The following ADCY2 variants were observed in gnomAD, a reference collection of about 807,000 sequenced individuals.
The protein encoded by ADCY2 is adenylate cyclase 2.
In ADCY2, 31 loss-of-function variants were observed where a neutral mutation model predicts 125.2. The observed-to-expected ratio is 0.25, with a 90% CI of 0.19 to 0.33. ADCY2 has a LOEUF of 0.33. Ranked by LOEUF, ADCY2 falls within the 10% of genes least tolerant of loss-of-function variation. ADCY2 has a pLI of 1.00. For synonymous variants in ADCY2, 512 were observed against 548.4 expected (o/e 0.93, Z 0.93); for missense variants, 904 against 1,418.2 (o/e 0.64, Z 5.82).
intron 2 of ADCY2, among the ~76,000 whole-genome samples, chr5:7,458,524 AT>A (rs1374819570): frequency 6.6e-6 from 1 of 152,100 alleles, no homozygotes; most frequent in East Asian, 1.9e-4. Flanking sequence ...TAAAACATGT[AT>A]TCTGTGATAT....
intron 5 of ADCY2, chr5:7,691,680 G>C (rs1740709997): frequency 6.6e-6 from 1 of 152,174 alleles, no homozygotes; most frequent in Non-Finnish European, 1.5e-5. Context: ...TCTTTTGGGG[G>C]TTTGTTCTTT....
intron 17 of ADCY2, among the ~76,000 whole-genome samples, chr5:7,769,915 A>G (rs1186229715): frequency 1.3e-5 from 2 of 152,248 alleles, no homozygotes; most frequent in Non-Finnish European, 2.9e-5. Context: ...GTACACTCCA[A>G]TAGAAGTCGG....
intron 18 of ADCY2, among the ~76,000 whole-genome samples, chr5:7,774,559 G>A (rs1248687091): frequency 1.3e-5 from 2 of 152,204 alleles, no homozygotes; most frequent in African/African-American, 4.8e-5. Flanking sequence ...CAAGTTTCTG[G>A]TGTGGAGAGA....
chr5:7,433,422 G>A (rs1740679324), intron 2 of ADCY2, among the ~76,000 whole-genome samples: 1 of 152,022 alleles, frequency 6.6e-6, no homozygotes, highest in African/African-American at 2.4e-5. Context: ...GTTTGTGTGT[G>A]TGTGTGTGCA....
rs780527995 is a variant in ADCY2 at position 7,816,992 on chromosome 5, A to G, written c.2998+12A>G. 6.2e-7 allele frequency: 1 copy of G among 1,604,036 alleles called. No individual in the cohort carries two copies. The highest frequency in any genetic ancestry group is 2.2e-5 in the East Asian group (1 of 44,808). ...CAAATTGCGAGTGGGTACGTTCTGC[A>G]AAAGAGGTCTCGGTTTCAGTTGTGG... is the stretch of plus-strand genomic sequence containing the variant. On this transcript the variant is annotated intron_variant, in intron 23 of 24. Coordinates refer to ENST00000338316, the MANE Select transcript of ADCY2 (RefSeq NM_020546.3).
At chr5:7,516,802 G>T (rs993991586) in intron 2 of ADCY2, among the ~76,000 whole-genome samples, 1 of 151,720 alleles carries the variant, frequency 6.6e-6, no homozygotes, top group African/African-American at 2.4e-5. Context: ...GAGGGAAAGA[G>T]TATAGAACTC....
intron 1 of ADCY2, among the ~76,000 whole-genome samples, chr5:7,398,715 T>C (rs748995349): frequency 1.1e-4 from 16 of 152,200 alleles, no homozygotes; most frequent in Non-Finnish European, 1.9e-4. Flanking sequence ...CTCAGTCTGA[T>C]AGAAAAGCCA....
intron 3 of ADCY2, among the ~76,000 whole-genome samples, chr5:7,531,880 C>T (rs900263642): frequency 6.6e-6 from 1 of 152,148 alleles, no homozygotes; most frequent in Non-Finnish European, 1.5e-5. Flanking sequence ...CTTTTCAACC[C>T]AACACGGATA....
At chr5:7,743,589 C>T in intron 14 of ADCY2, 79 bp from the exon 15 acceptor site, 1 of 1,357,440 alleles carries the variant, frequency 7.4e-7, no homozygotes, top group Non-Finnish European at 1.0e-6. Context: ...TCCTCGTTAA[C>T]CCAAAAGTAT....
intron 15 of ADCY2, among the ~76,000 whole-genome samples, chr5:7,755,436 A>G (rs1742962966): frequency 6.6e-6 from 1 of 151,736 alleles, no homozygotes; most frequent in Admixed American, 6.6e-5. Flanking sequence ...AAAGGAGTAG[A>G]GAGGAGGAGA....
intron 22 of ADCY2, among the ~76,000 whole-genome samples, chr5:7,808,484 C>T (rs1290673466): frequency 6.6e-6 from 1 of 152,182 alleles, no homozygotes; most frequent in African/African-American, 2.4e-5. Flanking sequence ...CTGAATGGCT[C>T]CTGAGCCCTT....
intron 4 of ADCY2, among the ~76,000 whole-genome samples, chr5:7,631,776 G>A (rs758794008): frequency 1.1e-4 from 17 of 152,130 alleles, no homozygotes; most frequent in Non-Finnish European, 2.1e-4. Context: ...ATCCCTCCAG[G>A]GTCAGCTTTC....
chr5:7,499,468 A>T (rs897382659), intron 2 of ADCY2, among the ~76,000 whole-genome samples: 8 of 151,936 alleles, frequency 5.3e-5, no homozygotes, highest in Admixed American at 4.6e-4. Flanking sequence ...TTGTATTTTG[A>T]TGCCACACTT....
At chr5:7,544,223 G>A in intron 3 of ADCY2, among the ~76,000 whole-genome samples, 1 of 152,108 alleles carries the variant, frequency 6.6e-6, no homozygotes, top group East Asian at 1.9e-4. Context: ...GAGGCCAGCA[G>A]GCAGCATTGG....
intron 2 of ADCY2, among the ~76,000 whole-genome samples, chr5:7,511,713 A>G (rs997258694): frequency 6.6e-6 from 1 of 152,190 alleles, no homozygotes; most frequent in Non-Finnish European, 1.5e-5. Context: ...CAGCCAAGGA[A>G]AGATTTGGGG....
At chr5:7,430,782 A>C (rs1052091369) in intron 2 of ADCY2, among the ~76,000 whole-genome samples, 11 of 152,070 alleles carry the variant, frequency 7.2e-5, no homozygotes, top group African/African-American at 2.7e-4. Context: ...AAACCATTTA[A>C]TATAAACTCA....
chr5:7,682,379 G>A (rs934705766), intron 4 of ADCY2, among the ~76,000 whole-genome samples: 1 of 152,198 alleles, frequency 6.6e-6, no homozygotes, highest in Non-Finnish European at 1.5e-5. Context: ...GTGAAAGTTA[G>A]CAGAGCTATT....
intron 3 of ADCY2, among the ~76,000 whole-genome samples, chr5:7,596,949 A>G (rs762209252): frequency 1.3e-5 from 2 of 152,230 alleles, no homozygotes; most frequent in African/African-American, 4.8e-5. Context: ...CAAGTTAAAC[A>G]TATTTCTACA....
intron 1 of ADCY2, among the ~76,000 whole-genome samples, chr5:7,412,421 T>G (rs1739760344): frequency 6.6e-6 from 1 of 152,234 alleles, no homozygotes. Context: ...GCACCATGTG[T>G]GCAGTGGTCA....
Sources: allele counts gnomAD v4.1 joint callset (sites outside exome capture counted in the v4.1 genomes callset), GRCh38; gene constraint gnomAD v4.1.1; transcripts MANE v1.5; gene names NCBI Gene and HGNC (gene_info 2026-07-23, HGNC 2026-07-21).